PACRGL: variants seen among roughly 807,000 people sequenced by gnomAD.
The protein encoded by PACRGL is parkin coregulated like.
A neutral mutation model predicts 34.5 loss-of-function variants in PACRGL; 38 were observed. The observed-to-expected ratio is 1.10, with a 90% CI of 0.85 to 1.44. PACRGL has a LOEUF of 1.44. Ranked by LOEUF, PACRGL falls within the 40% of genes most tolerant of loss-of-function variation. The pLI is 0.00. For missense variants in PACRGL, 305 were observed against 281.4 expected (o/e 1.08, Z -0.60); for synonymous variants, 128 against 100.1 (o/e 1.28, Z -1.66).
intron 7 of PACRGL, among the ~76,000 whole-genome samples, chr4:20,723,691 T>G (rs1247593618): frequency 6.6e-6 from 1 of 152,204 alleles, no homozygotes; most frequent in Non-Finnish European, 1.5e-5. Flanking sequence ...GGCGTTTATC[T>G]TTGGTCACTT....
upstream of PACRGL, among the ~76,000 whole-genome samples, chr4:20,698,585 C>T (rs1731347760): frequency 1.3e-5 from 2 of 152,212 alleles, no homozygotes; most frequent in Admixed American, 1.3e-4. Flanking sequence ...TTCAAGAAAG[C>T]ACCCACCACT....
At chr4:20,714,600 G>A (rs919017842) in intron 7 of PACRGL, among the ~76,000 whole-genome samples, 14 of 152,138 alleles carry the variant, frequency 9.2e-5, no homozygotes, top group Non-Finnish European at 1.6e-4. Flanking sequence ...AGCCTCAGTG[G>A]TCTTTACAAT....
At chr4:20,719,801 A>G (rs1273102851) in intron 7 of PACRGL, among the ~76,000 whole-genome samples, 1 of 151,912 alleles carries the variant, frequency 6.6e-6, no homozygotes, top group Non-Finnish European at 1.5e-5. Context: ...AAGAATGTAT[A>G]TTCTGTTGAT....
chr4:20,714,874 C>T (rs1399157696), intron 7 of PACRGL, among the ~76,000 whole-genome samples: 8 of 152,114 alleles, frequency 5.3e-5, no homozygotes, highest in East Asian at 1.9e-4. Flanking sequence ...GGCGATTCCT[C>T]AGGGATCTAG....
At chr4:20,763,214 CT>C in the PACRGL span, among the ~76,000 whole-genome samples, 1 of 152,160 alleles carries the variant, frequency 6.6e-6, no homozygotes, top group South Asian at 2.1e-4. Context: ...TGAGCATTTA[CT>C]TTGAATGCCA....
chr4:20,745,769 G>A (rs1195821384), intron 8 of PACRGL, among the ~76,000 whole-genome samples: 1 of 152,156 alleles, frequency 6.6e-6, no homozygotes, highest in Non-Finnish European at 1.5e-5. Flanking sequence ...GAGTGCCTCA[G>A]TGCTGGCCAC....
At chr4:20,701,114 C>T (rs531390379) in intron 1 of PACRGL, among the ~76,000 whole-genome samples, 2 of 152,284 alleles carry the variant, frequency 1.3e-5, no homozygotes, top group Middle Eastern at 6.8e-3. Context: ...CTTACTTACA[C>T]GTTTGGAACT....
downstream of PACRGL, among the ~76,000 whole-genome samples, chr4:20,757,581 C>G (rs1334334351): frequency 6.6e-6 from 1 of 152,190 alleles, no homozygotes; most frequent in Non-Finnish European, 1.5e-5. Context: ...TGCCCATCTT[C>G]AGTTCTATGC....
chr4:20,720,329 A>G (rs1032698429), intron 7 of PACRGL, among the ~76,000 whole-genome samples: 5 of 152,130 alleles, frequency 3.3e-5, no homozygotes, highest in African/African-American at 1.2e-4. Flanking sequence ...GCCCATTTAT[A>G]TTTAAGGTTA....
chr4:20,748,305 C>T lies in PACRGL; in HGVS notation c.*57-4260C>T, dbSNP rs114220497. Among the ~76,000 whole-genome samples the T allele has an allele frequency of 1.3e-3, 204 of 152,092 alleles. 1 individual carries two copies. Among genetic ancestry groups the T allele is most frequent in the African/African-American group, 4.7e-3 (197 of 41,526 alleles). Reference sequence around the variant, plus strand: ...CCCAGGCCTGATATACTCTGTCCAGCCTCTGCCCCACTCTCCATTGCTTCC... The same window carrying T: ...CCCAGGCCTGATATACTCTGTCCAGTCTCTGCCCCACTCTCCATTGCTTCC... On this transcript the variant is annotated intron_variant, in intron 8 of 8. Coordinates refer to the PACRGL transcript ENST00000507634.
chr4:20,743,305 T>C (rs1175095639), intron 8 of PACRGL, among the ~76,000 whole-genome samples: 1 of 152,174 alleles, frequency 6.6e-6, no homozygotes, highest in Non-Finnish European at 1.5e-5. Flanking sequence ...AGAGCCCACA[T>C]TGCCAAGTCA....
At position 20,710,682 on chromosome 4, in the gene PACRGL, G is replaced by A. The variant is rs920722879; in HGVS notation, c.366+909G>A. ...CCAAGTGGGAGCAGAACTGAAAAATGTAATTTTGCCAATTGAGATTCCTTA... is the reference window on the plus strand; with the variant it reads ...CCAAGTGGGAGCAGAACTGAAAAATATAATTTTGCCAATTGAGATTCCTTA... On this transcript the variant is annotated intron_variant, in intron 5 of 8. Coordinates refer to ENST00000503585, the MANE Select transcript of PACRGL (RefSeq NM_001258345.3). Among the ~76,000 whole-genome samples, 3 of 152,152 alleles carry A rather than the reference G, an allele frequency of 2.0e-5. No individual in the cohort carries two copies. The East Asian group carries it at 5.8e-4, about 29-fold the overall frequency.
chr4:20,744,680 A>G (rs888667634), intron 8 of PACRGL, among the ~76,000 whole-genome samples: 4 of 152,198 alleles, frequency 2.6e-5, no homozygotes, highest in Admixed American at 1.3e-4. Context: ...TGACGTGTTA[A>G]TGGGTGCAGC....
At chr4:20,750,068 T>C (rs1005230994) in intron 8 of PACRGL, among the ~76,000 whole-genome samples, 1 of 152,194 alleles carries the variant, frequency 6.6e-6, no homozygotes, top group Non-Finnish European at 1.5e-5. Context: ...GCTTAGTGTT[T>C]GGAAGAGACC....
At chr4:20,736,572 T>A (rs1336535891), downstream of PACRGL, among the ~76,000 whole-genome samples, 1 of 152,200 alleles carries the variant, frequency 6.6e-6, no homozygotes, top group African/African-American at 2.4e-5. Context: ...CTAATTTTTA[T>A]ATGTTTACTT....
chr4:20,727,260 A>T (rs747118288), intron 8 of PACRGL, 25 bp from the exon 9 acceptor site: 18 of 1,586,764 alleles, frequency 1.1e-5, no homozygotes, highest in Non-Finnish European at 1.5e-5. Context: ...GATACTAATG[A>T]TGCTCAATTT....
Position 20,724,892 on chromosome 4 carries a change from A to G in PACRGL, c.690+4A>G, listed in dbSNP as rs1319102238. On this transcript the variant is annotated splice_donor_region_variant and intron_variant, in intron 8 of 8. Transcript: ENST00000503585. ...GCTAGAGCAACATGGTGGAAGTGTA[A>G]GTAGAATATTATTCCTTAAGTCTTT... 6 of 1,447,160 alleles carry G rather than the reference A, an allele frequency of 4.1e-6. No homozygotes were observed. The highest frequency in any genetic ancestry group is 5.2e-5 in the East Asian group (2 of 38,710). 89.6% of individuals were successfully genotyped at this position (1,447,160 alleles called of 1,614,324 possible). A position where few individuals can be genotyped will look rare whatever the true frequency, so the allele number is the denominator to read the frequency against.
intron 8 of PACRGL, among the ~76,000 whole-genome samples, chr4:20,739,401 G>T (rs1750512619): frequency 6.6e-6 from 1 of 152,054 alleles, no homozygotes; most frequent in South Asian, 2.1e-4. Flanking sequence ...GAAGGATCAG[G>T]CAGCAACATG....
In PACRGL at chr4:20,704,108, T is replaced by TG. The variant is rs201853966; in HGVS notation, c.-16-356dup. On this transcript the variant is annotated intron_variant, in intron 1 of 8. Coordinates refer to ENST00000503585, the MANE Select transcript of PACRGL (RefSeq NM_001258345.3). ...TTGGAAATACAGAGGCCAGAGAAGA[T>TG]GGAGAAGATGACAGGGAATGTACCA... Among the ~76,000 whole-genome samples, 353 of 152,242 alleles carry TG rather than the reference T, an allele frequency of 2.3e-3. 8 individuals carry two copies. In the South Asian group the frequency reaches 0.046, roughly 20 times the overall value.
Sources: gnomAD v4.1 joint callset for allele counts (sites outside exome capture counted in the v4.1 genomes callset) on GRCh38, gnomAD v4.1.1 for gene constraint, MANE v1.5 for transcripts, NCBI Gene and HGNC (gene_info 2026-07-23, HGNC 2026-07-21) for gene names.